The following GRM3 variants were observed in gnomAD, a reference collection of about 807,000 sequenced individuals.
GRM3 encodes the protein glutamate metabotropic receptor 3.
GRM3 carries 26 observed loss-of-function variants against 70.5 expected under a neutral mutation model. That is an observed-to-expected ratio of 0.37 (90% confidence interval 0.27 to 0.51). GRM3 has a LOEUF of 0.51. Ranked by LOEUF, GRM3 falls within the 20% of genes least tolerant of loss-of-function variation. The probability of loss-of-function intolerance (pLI) is 0.93; values close to 1 mark genes in which losing one functional copy is unlikely to be tolerated. For synonymous variants in GRM3, 443 were observed against 434.9 expected, an observed-to-expected ratio of 1.02 and a Z score of -0.23; for missense variants, 859 against 1,123.8, an observed-to-expected ratio of 0.76 and a Z score of 3.37.
intron 1 of GRM3, among the ~76,000 whole-genome samples, chr7:86,721,878 A>C (rs1795473200): frequency 6.6e-6 from 1 of 152,138 alleles, no homozygotes; most frequent in Non-Finnish European, 1.5e-5. Flanking sequence ...GTGTGATGTC[A>C]TTGGCACCTT....
intron 3 of GRM3, among the ~76,000 whole-genome samples, chr7:86,788,243 A>C (rs1054104180): frequency 3.9e-5 from 6 of 152,184 alleles, no homozygotes; most frequent in African/African-American, 1.2e-4. Context: ...CATCTCCCTT[A>C]TAAGTGGTCA....
At chr7:86,787,149 T>G (rs1225151549) in intron 3 of GRM3, 33 bp downstream of exon 3, 3 of 1,528,958 alleles carry the variant, frequency 2.0e-6, no homozygotes, top group Non-Finnish European at 1.8e-6. Context: ...TCTTCTCAGA[T>G]GCAAACAAGT....
At chr7:86,766,615 G>T (rs1332329022) in intron 2 of GRM3, among the ~76,000 whole-genome samples, 2 of 152,040 alleles carry the variant, frequency 1.3e-5, no homozygotes, top group Admixed American at 1.3e-4. Flanking sequence ...GAAAGTACAA[G>T]AACTAGAACT....
intron 1 of GRM3, among the ~76,000 whole-genome samples, chr7:86,741,806 GT>G (rs1703006579): frequency 1.3e-5 from 2 of 152,084 alleles, no homozygotes; most frequent in South Asian, 4.2e-4. Flanking sequence ...GACCATTTTT[GT>G]TGCATATGTT....
At chr7:86,741,058 A>T (rs762869188) in intron 1 of GRM3, among the ~76,000 whole-genome samples, 1 of 152,180 alleles carries the variant, frequency 6.6e-6, no homozygotes, top group African/African-American at 2.4e-5. Flanking sequence ...ACGTTTTCCC[A>T]TCTAAAATGT....
At chr7:86,673,210 C>T (rs1794217087) in intron 1 of GRM3, among the ~76,000 whole-genome samples, 1 of 152,124 alleles carries the variant, frequency 6.6e-6, no homozygotes, top group Non-Finnish European at 1.5e-5. Flanking sequence ...TTACTTTGTT[C>T]CTCATTCTCC....
At chr7:86,711,016 A>C in intron 1 of GRM3, among the ~76,000 whole-genome samples, 1 of 151,986 alleles carries the variant, frequency 6.6e-6, no homozygotes, top group East Asian at 1.9e-4. Flanking sequence ...TGCTTCACTT[A>C]ACTTGTAATC....
chr7:86,712,689 G>T (rs1333653730), intron 1 of GRM3, among the ~76,000 whole-genome samples: 2 of 151,860 alleles, frequency 1.3e-5, no homozygotes, highest in Admixed American at 6.6e-5. Flanking sequence ...CTATCTTCAG[G>T]AGATCCACTT....
At chr7:86,671,046 T>A (rs1434171049) in intron 1 of GRM3, among the ~76,000 whole-genome samples, 2 of 152,174 alleles carry the variant, frequency 1.3e-5, no homozygotes, top group Non-Finnish European at 2.9e-5. Context: ...CACATTTTTG[T>A]TTTGGAGACA....
intron 1 of GRM3, among the ~76,000 whole-genome samples, chr7:86,650,332 T>C (rs937748270): frequency 4.0e-5 from 6 of 150,070 alleles, no homozygotes; most frequent in Non-Finnish European, 8.8e-5. Flanking sequence ...TTACTACCAA[T>C]ATTGCCTCAC....
At chr7:86,795,132 G>A (rs1797517527) in intron 3 of GRM3, among the ~76,000 whole-genome samples, 1 of 151,512 alleles carries the variant, frequency 6.6e-6, no homozygotes, top group Admixed American at 6.6e-5. Context: ...GCAGTTTAAT[G>A]TATTACTTTA....
intron 2 of GRM3, among the ~76,000 whole-genome samples, chr7:86,766,912 T>C (rs188388863): frequency 1.3e-5 from 2 of 152,134 alleles, no homozygotes; most frequent in Non-Finnish European, 2.9e-5. Flanking sequence ...TTTGTGGCAC[T>C]TAAAATTCTA....
intron 1 of GRM3, among the ~76,000 whole-genome samples, chr7:86,747,230 G>T (rs960220726): frequency 2.0e-5 from 3 of 151,984 alleles, no homozygotes; most frequent in Non-Finnish European, 2.9e-5. Context: ...ACTCAACAAA[G>T]CATGTTTTAT....
At chr7:86,679,134 A>T (rs943564986) in intron 1 of GRM3, among the ~76,000 whole-genome samples, 1 of 152,038 alleles carries the variant, frequency 6.6e-6, no homozygotes, top group Non-Finnish European at 1.5e-5. Context: ...TTTGCCATGG[A>T]GCTGTAATCT....
At chr7:86,824,096 T>TGAGAAGCTA (rs1420014595) in intron 3 of GRM3, among the ~76,000 whole-genome samples, 14 of 152,280 alleles carry the variant, frequency 9.2e-5, no homozygotes, top group African/African-American at 3.1e-4. Flanking sequence ...CTAGTTCCTC[T>TGAGAAGCTA]GTCAGTCAGC....
chr7:86,713,607 A>G (rs571547874), intron 1 of GRM3, among the ~76,000 whole-genome samples: 11 of 151,912 alleles, frequency 7.2e-5, no homozygotes, highest in Admixed American at 6.6e-4. Flanking sequence ...AGCAAAATGC[A>G]ACTTAGAGCT....
intron 3 of GRM3, among the ~76,000 whole-genome samples, chr7:86,834,657 A>G (rs1798420753): frequency 6.6e-6 from 1 of 150,850 alleles, no homozygotes. Context: ...AAGTACACTA[A>G]TTTTAAGAAC....
chr7:86,822,779 C>A (rs185430718), intron 3 of GRM3, among the ~76,000 whole-genome samples: 2 of 152,074 alleles, frequency 1.3e-5, no homozygotes, highest in East Asian at 3.9e-4. Flanking sequence ...ATTTGATAGT[C>A]CAAAAATTGG....
chr7:86,646,782 A>AAT (rs914821684), intron 1 of GRM3, among the ~76,000 whole-genome samples: 1 of 152,112 alleles, frequency 6.6e-6, no homozygotes, highest in African/African-American at 2.4e-5. Context: ...AAACTTCAGG[A>AAT]ATATATGATC....
Sources: allele counts gnomAD v4.1 joint callset (sites outside exome capture counted in the v4.1 genomes callset), GRCh38; gene constraint gnomAD v4.1.1; transcripts MANE v1.5; gene names NCBI Gene and HGNC (gene_info 2026-07-23, HGNC 2026-07-21).